Variants in CDK14 observed in about 807,000 individuals in gnomAD.
The protein encoded by CDK14 is cyclin-dependent kinase 14.
In CDK14, 34 loss-of-function variants were observed where a neutral mutation model predicts 60.7. The ratio of observed to expected loss-of-function variants is 0.56; its 90% CI spans 0.43 to 0.75. The LOEUF is 0.75. CDK14 is among the 30% of genes least tolerant of loss of function. CDK14 has a pLI of 0.00. For synonymous variants in CDK14, 197 were observed against 203.7 expected (o/e 0.97, Z 0.28); for missense variants, 482 against 564.1 (o/e 0.85, Z 1.47).
intron 6 of CDK14, among the ~76,000 whole-genome samples, chr7:90,881,694 C>T (rs929695290): frequency 3.3e-5 from 5 of 152,066 alleles, no homozygotes; most frequent in African/African-American, 4.8e-5. Flanking sequence ...GGAGAAAGGC[C>T]GGGTCACCTA....
chr7:90,863,668 A>ATGTGTGTGTGTGTGTG (rs549142223), intron 6 of CDK14, among the ~76,000 whole-genome samples: 3 of 48,848 alleles, frequency 6.1e-5, no homozygotes, highest in Non-Finnish European at 8.9e-5. Context: ...GCTTATTAAG[A>ATGTGTGTGTGTGTGTG]TATGTGTGTG....
At chr7:91,141,204 A>G (rs1800446509) in intron 14 of CDK14, among the ~76,000 whole-genome samples, 1 of 152,246 alleles carries the variant, frequency 6.6e-6, no homozygotes. Context: ...TGTAAGTTTC[A>G]TGACCCTCAG....
At chr7:90,747,415 A>G (rs772272144) in intron 3 of CDK14, among the ~76,000 whole-genome samples, 4 of 152,244 alleles carry the variant, frequency 2.6e-5, no homozygotes, top group Non-Finnish European at 4.4e-5. Flanking sequence ...GCTTACAGAT[A>G]GCACTGGAAG....
At chr7:90,862,500 T>C (rs1169820047) in intron 5 of CDK14, among the ~76,000 whole-genome samples, 3 of 152,054 alleles carry the variant, frequency 2.0e-5, no homozygotes, top group Admixed American at 2.0e-4. Context: ...ACTTTTATAA[T>C]ACAAAAAGCA....
intron 4 of CDK14, among the ~76,000 whole-genome samples, chr7:90,778,994 T>C (rs984566181): frequency 1.3e-5 from 2 of 151,908 alleles, no homozygotes; most frequent in Non-Finnish European, 2.9e-5. Context: ...GGCTCACGTC[T>C]GTAATCCCAG....
At chr7:90,807,726 A>T (rs973812695) in intron 5 of CDK14, among the ~76,000 whole-genome samples, 1 of 152,158 alleles carries the variant, frequency 6.6e-6, no homozygotes, top group African/African-American at 2.4e-5. Flanking sequence ...GAAAAAACAT[A>T]GACAAATGGC....
chr7:91,168,809 T>G (rs1801428086), intron 14 of CDK14, among the ~76,000 whole-genome samples: 1 of 152,214 alleles, frequency 6.6e-6, no homozygotes, highest in Admixed American at 6.5e-5. Context: ...AGATTATTAT[T>G]TTCAATTCAC....
At chr7:91,179,568 C>T (rs1265945073) in intron 14 of CDK14, among the ~76,000 whole-genome samples, 1 of 151,778 alleles carries the variant, frequency 6.6e-6, no homozygotes, top group African/African-American at 2.4e-5. Flanking sequence ...TATGGGAGGC[C>T]GAGGTGGGCG....
chr7:90,708,518 AG>A lies in CDK14; in HGVS notation c.124-18048del, dbSNP rs1259824468. 3.9e-5 allele frequency among the ~76,000 whole-genome samples: 6 copies of A among 152,208 alleles called. No individual in the cohort carries two copies. The East Asian group carries it at 1.2e-3, about 29-fold the overall frequency. Reference sequence around the variant, plus strand: ...GTATTTGAACAATAACTTTTTAAAAAGATTTTACATGAGCTTTTGTGTTGTA... The same window carrying A: ...GTATTTGAACAATAACTTTTTAAAAAATTTTACATGAGCTTTTGTGTTGTA... On this transcript the variant is annotated intron_variant, in intron 2 of 14. Coordinates refer to ENST00000380050, the MANE Select transcript of CDK14 (RefSeq NM_001287135.2).
At chr7:90,647,510 CTTT>C (rs35863423) in intron 2 of CDK14, among the ~76,000 whole-genome samples, 2 of 147,722 alleles carry the variant, frequency 1.4e-5, no homozygotes, top group Admixed American at 6.8e-5. Flanking sequence ...ATTTTTTTAT[CTTT>C]TTTTTTTTCC....
chr7:90,662,800 T>G (rs1370828510), intron 2 of CDK14, among the ~76,000 whole-genome samples: 1 of 152,170 alleles, frequency 6.6e-6, no homozygotes, highest in African/African-American at 2.4e-5. Context: ...CTTGCTTGTA[T>G]TGCTTTTTCT....
intron 5 of CDK14, among the ~76,000 whole-genome samples, chr7:90,858,519 A>G (rs1033362912): frequency 9.2e-5 from 14 of 152,218 alleles, no homozygotes; most frequent in Admixed American, 7.9e-4. Context: ...ATTAACTTGA[A>G]AAATGGAATT....
In CDK14 at chr7:90,722,156, T is replaced by A. The variant is rs542738031; in HGVS notation, c.124-4411T>A. On this transcript the variant is annotated intron_variant, in intron 2 of 14. Coordinates refer to ENST00000380050, the MANE Select transcript of CDK14 (RefSeq NM_001287135.2). ...TCCCCTCTTACCCCTCTTCCCCCTT[T>A]TCCATTTTCTCTTTCCCTTCCCCCA... 1.4e-4 allele frequency among the ~76,000 whole-genome samples: 21 copies of A among 150,888 alleles called. No homozygotes were observed. The South Asian group carries it at 2.8e-3, about 20-fold the overall frequency.
At chr7:91,132,826 T>TG (rs1171813519) in intron 14 of CDK14, among the ~76,000 whole-genome samples, 1 of 152,164 alleles carries the variant, frequency 6.6e-6, no homozygotes, top group Non-Finnish European at 1.5e-5. Context: ...AAATTAATTT[T>TG]GCTGGAGGAG....
chr7:90,725,254 C>T (rs1382653555), intron 2 of CDK14, among the ~76,000 whole-genome samples: 5 of 152,164 alleles, frequency 3.3e-5, no homozygotes, highest in Non-Finnish European at 7.4e-5. Flanking sequence ...CTTGCCCGTT[C>T]AATTCCACAT....
At chr7:91,085,331 G>A (rs1307149967) in intron 12 of CDK14, among the ~76,000 whole-genome samples, 2 of 152,054 alleles carry the variant, frequency 1.3e-5, no homozygotes, top group Non-Finnish European at 2.9e-5. Context: ...TTCCTTGCTC[G>A]CTGTCTCCAC....
intron 2 of CDK14, among the ~76,000 whole-genome samples, chr7:90,677,809 T>G (rs73218713): frequency 0.063 from 9,661 of 152,242 alleles, 346 homozygotes; most frequent in South Asian, 0.096. Flanking sequence ...CTTTGTTTAA[T>G]GGAAAGGGGA....
At chr7:90,802,879 G>T (rs1360087505) in intron 5 of CDK14, among the ~76,000 whole-genome samples, 2 of 152,138 alleles carry the variant, frequency 1.3e-5, no homozygotes, top group Non-Finnish European at 2.9e-5. Flanking sequence ...TTATGTCTTT[G>T]AGAATAAATA....
intron 12 of CDK14, among the ~76,000 whole-genome samples, chr7:91,100,120 G>T (rs1799109355): frequency 6.6e-6 from 1 of 152,050 alleles, no homozygotes; most frequent in Non-Finnish European, 1.5e-5. Context: ...AAATATAACT[G>T]AGATACGAGT....
Sources: gnomAD v4.1 joint callset for allele counts (sites outside exome capture counted in the v4.1 genomes callset) on GRCh38, gnomAD v4.1.1 for gene constraint, MANE v1.5 for transcripts, NCBI Gene and HGNC (gene_info 2026-07-23, HGNC 2026-07-21) for gene names.